EDIL3: variants seen among roughly 807,000 people sequenced by gnomAD.
The protein encoded by EDIL3 is EGF like and discoidin domains 3.
Under a neutral mutation model 67.4 loss-of-function variants are expected in EDIL3, and 37 were observed. The ratio of observed to expected loss-of-function variants is 0.55; its 90% CI spans 0.42 to 0.72. The LOEUF (loss-of-function observed/expected upper bound fraction) is 0.72, where lower values mean the gene tolerates loss of function less well. Ranked by LOEUF, EDIL3 falls within the 30% of genes least tolerant of loss-of-function variation. The probability of loss-of-function intolerance (pLI) is 0.00; values close to 1 mark genes in which losing one functional copy is unlikely to be tolerated. For missense variants in EDIL3, 527 were observed against 586.3 expected, an observed-to-expected ratio of 0.90 and a Z score of 1.04; for synonymous variants, 195 against 196.3, an observed-to-expected ratio of 0.99 and a Z score of 0.05.
At chr5:84,175,132 G>C (rs940133250) in intron 4 of EDIL3, among the ~76,000 whole-genome samples, 2 of 152,102 alleles carry the variant, frequency 1.3e-5, no homozygotes, top group Non-Finnish European at 2.9e-5. Flanking sequence ...TAAACCCCAT[G>C]TCTCATTGCC....
intron 9 of EDIL3, among the ~76,000 whole-genome samples, chr5:84,058,229 G>A (rs1271298154): frequency 1.3e-5 from 2 of 152,032 alleles, no homozygotes; most frequent in Non-Finnish European, 2.9e-5. Flanking sequence ...ACGAACTGGG[G>A]CCAAATCATG....
At chr5:84,138,022 A>G (rs1256757417) in intron 4 of EDIL3, among the ~76,000 whole-genome samples, 1 of 152,222 alleles carries the variant, frequency 6.6e-6, no homozygotes, top group African/African-American at 2.4e-5. Context: ...AGCAAATTAT[A>G]CTACTTTCCT....
chr5:83,985,206 A>AG (rs1157262468), intron 9 of EDIL3, among the ~76,000 whole-genome samples: 1 of 151,788 alleles, frequency 6.6e-6, no homozygotes, highest in Non-Finnish European at 1.5e-5. Context: ...CCAGAGGAAA[A>AG]AAATCACAAA....
chr5:84,111,243 C>T (rs1225037679), intron 5 of EDIL3, among the ~76,000 whole-genome samples: 1 of 152,162 alleles, frequency 6.6e-6, no homozygotes. Context: ...TCATAAATTA[C>T]CCAGTCTCAG....
intron 1 of EDIL3, among the ~76,000 whole-genome samples, chr5:84,335,528 T>C (rs1746967200): frequency 6.6e-6 from 1 of 152,110 alleles, no homozygotes; most frequent in Non-Finnish European, 1.5e-5. Flanking sequence ...TCAAAAACAT[T>C]TGTGAAGCAA....
intron 1 of EDIL3, among the ~76,000 whole-genome samples, chr5:84,291,668 ATATC>A (rs75478331): frequency 0.15 from 21,554 of 147,446 alleles, 2,004 homozygotes; most frequent in Middle Eastern, 0.24. Flanking sequence ...ATCTATATAT[ATATC>A]TATCTATATA....
chr5:84,086,342 G>A (rs1747071195), intron 6 of EDIL3, among the ~76,000 whole-genome samples: 1 of 152,170 alleles, frequency 6.6e-6, no homozygotes, highest in Admixed American at 6.5e-5. Context: ...AAATCCGTGG[G>A]AAAAGCGTAG....
At chr5:84,058,659 C>T (rs967089128) in intron 9 of EDIL3, among the ~76,000 whole-genome samples, 2 of 152,054 alleles carry the variant, frequency 1.3e-5, no homozygotes, top group African/African-American at 4.8e-5. Flanking sequence ...CAGGAAAGGA[C>T]ATTGGGAAAC....
At chr5:84,019,130 G>A (rs1745662986) in intron 9 of EDIL3, among the ~76,000 whole-genome samples, 1 of 152,170 alleles carries the variant, frequency 6.6e-6, no homozygotes, top group East Asian at 1.9e-4. Context: ...GAACAGCAAA[G>A]ACTTGGAACC....
intron 1 of EDIL3, among the ~76,000 whole-genome samples, chr5:84,312,732 T>C (rs923030035): frequency 2.0e-5 from 3 of 152,198 alleles, no homozygotes; most frequent in Non-Finnish European, 2.9e-5. Flanking sequence ...ATTCAATGTA[T>C]TTTCTATTTA....
At chr5:84,195,240 T>C (rs552565587) in intron 3 of EDIL3, among the ~76,000 whole-genome samples, 1 of 151,944 alleles carries the variant, frequency 6.6e-6, no homozygotes, top group Non-Finnish European at 1.5e-5. Context: ...AGAAATAATA[T>C]GCAGTAGAGA....
intron 1 of EDIL3, among the ~76,000 whole-genome samples, chr5:84,340,562 ATATATATATG>A (rs1259052466): frequency 4.6e-5 from 6 of 129,886 alleles, no homozygotes; most frequent in African/African-American, 1.7e-4. Flanking sequence ...ATATATATAT[ATATATATATG>A]TTAGTCTACA....
chr5:84,041,034 G>T (rs757206214), intron 9 of EDIL3, among the ~76,000 whole-genome samples: 1 of 152,150 alleles, frequency 6.6e-6, no homozygotes, highest in Non-Finnish European at 1.5e-5. Flanking sequence ...GGGAGTCTGA[G>T]GTAGGAGGAT....
intron 9 of EDIL3, among the ~76,000 whole-genome samples, chr5:84,041,167 T>C (rs1253849812): frequency 3.3e-5 from 5 of 150,348 alleles, no homozygotes; most frequent in Non-Finnish European, 7.4e-5. Context: ...AACCAAGAGG[T>C]TGCCTTTAAA....
At chr5:84,085,301 TTATCTTCATGGAGTTATC>T (rs1280711244) in intron 6 of EDIL3, among the ~76,000 whole-genome samples, 3 of 152,220 alleles carry the variant, frequency 2.0e-5, no homozygotes, top group African/African-American at 7.2e-5. Context: ...TGATTTTTCC[TTATCTTCATGGAGTTATC>T]TACCTTTGAT....
chr5:84,248,497 A>G (rs1233937705), intron 2 of EDIL3, among the ~76,000 whole-genome samples: 1 of 152,018 alleles, frequency 6.6e-6, no homozygotes, highest in Non-Finnish European at 1.5e-5. Flanking sequence ...TCCCATGTCT[A>G]GCTCTTCTAT....
intron 4 of EDIL3, among the ~76,000 whole-genome samples, chr5:84,141,466 A>T (rs1748186677): frequency 6.8e-6 from 1 of 147,004 alleles, no homozygotes; most frequent in South Asian, 2.1e-4. Context: ...TATATATGAA[A>T]TTATGAAATA....
intron 1 of EDIL3, among the ~76,000 whole-genome samples, chr5:84,326,804 C>T (rs762439286): frequency 2.0e-5 from 3 of 151,484 alleles, no homozygotes; most frequent in Non-Finnish European, 4.4e-5. Flanking sequence ...TTTTTTCTTA[C>T]CACCTTCTAC....
intron 9 of EDIL3, among the ~76,000 whole-genome samples, chr5:84,009,016 T>G (rs1379359632): frequency 6.6e-6 from 1 of 152,160 alleles, no homozygotes; most frequent in African/African-American, 2.4e-5. Flanking sequence ...TCTCACTATG[T>G]TGCCCAGCTG....
Sources: allele counts gnomAD v4.1 joint callset (sites outside exome capture counted in the v4.1 genomes callset), GRCh38; gene constraint gnomAD v4.1.1; transcripts MANE v1.5; gene names NCBI Gene and HGNC (gene_info 2026-07-23, HGNC 2026-07-21).